RORC: variants seen among roughly 807,000 people sequenced by gnomAD.
The protein encoded by RORC is RAR related orphan receptor C.
In RORC, 13 loss-of-function variants were observed where a neutral mutation model predicts 64.5. The observed-to-expected ratio is 0.20, with a 90% CI of 0.13 to 0.32. The LOEUF (loss-of-function observed/expected upper bound fraction) is 0.32. RORC is among the 10% of genes least tolerant of loss of function. The pLI, the probability that RORC is intolerant of heterozygous loss-of-function variation, is 1.00. For synonymous variants in RORC, 277 were observed against 259.3 expected, an observed-to-expected ratio of 1.07 and a Z score of -0.65; for missense variants, 468 against 669.5, an observed-to-expected ratio of 0.70 and a Z score of 3.32.
At chr1:151,811,490 C>A in intron 9 of RORC, 56 bp from the exon 10 acceptor site, 1 of 1,092,970 alleles carries the variant, frequency 9.1e-7, no homozygotes, top group Non-Finnish European at 1.4e-6. Context: ...ACATTAACTC[C>A]CAACAAAAGG....
intron 1 of RORC, among the ~76,000 whole-genome samples, chr1:151,831,486 C>T (rs552824687): frequency 8.3e-4 from 127 of 152,300 alleles, no homozygotes; most frequent in African/African-American, 2.9e-3. Context: ...TCTTCCTTCT[C>T]CCGCTTCTCC....
intron 6 of RORC, chr1:151,814,248 G>C (rs1558164979): frequency 3.9e-6 from 1 of 257,000 alleles, no homozygotes; most frequent in Non-Finnish European, 7.5e-6. Flanking sequence ...TTTAACAAAT[G>C]GTAATCAGGG....
chr1:151,821,878 G>A (rs1450141934), intron 2 of RORC, among the ~76,000 whole-genome samples: 4 of 152,062 alleles, frequency 2.6e-5, no homozygotes, highest in Non-Finnish European at 4.4e-5. Flanking sequence ...GATCCCAAGA[G>A]ATATTATTCC....
chr1:151,822,112 C>T (rs1284020858), intron 2 of RORC, among the ~76,000 whole-genome samples: 1 of 152,058 alleles, frequency 6.6e-6, no homozygotes, highest in East Asian at 1.9e-4. Context: ...CTTTCCTTAG[C>T]TTGAGCTCCT....
chr1:151,827,012 G>A (rs1420212807), intron 2 of RORC, among the ~76,000 whole-genome samples: 3 of 152,208 alleles, frequency 2.0e-5, no homozygotes, highest in African/African-American at 7.2e-5. Context: ...CAGCTACTCA[G>A]GGGGCTGAGG....
chr1:151,826,063 T>C (rs1322988770), intron 2 of RORC: 1 of 1,552,942 alleles, frequency 6.4e-7, no homozygotes, highest in African/African-American at 1.4e-5. Context: ...CCTGAAGCTC[T>C]GCACCTAGCT....
chr1:151,809,372 C>T (rs991560178), intron 10 of RORC, among the ~76,000 whole-genome samples: 19 of 151,990 alleles, frequency 1.3e-4, no homozygotes, highest in Admixed American at 3.9e-4. Flanking sequence ...CCAGCCTGGG[C>T]GACAGAGCAA....
chr1:151,810,188 T>A (rs1365356938), intron 10 of RORC, among the ~76,000 whole-genome samples: 1 of 152,162 alleles, frequency 6.6e-6, no homozygotes, highest in Non-Finnish European at 1.5e-5. Flanking sequence ...ACTCATCTCA[T>A]CCATTTTTTT....
At chr1:151,831,593 C>T in intron 1 of RORC, 132 bp downstream of exon 1, 1 of 1,573,372 alleles carries the variant, frequency 6.4e-7, no homozygotes, top group Non-Finnish European at 8.6e-7. Flanking sequence ...CCCTGCCAAC[C>T]CAGGGCTTTC....
chr1:151,816,763 A>G lies in RORC; in HGVS notation c.199T>C (p.Cys67Arg). 6.3e-7 allele frequency: 1 copy of G among 1,583,658 alleles called. No individual in the cohort carries two copies. The highest frequency in any genetic ancestry group is 8.6e-7 in the Non-Finnish European group (1 of 1,162,408). ...ATGGGGCAGTTCTGCTGACGGGTGC[A>G]GGAGTAGGCCGCGTTACAGCGCTGG... ...RSQRCNAAYS[C>R]TRQQNCPIDR... Residue 67 changes from cysteine to arginine, a missense_variant, in exon 4 of 11, where the codon TGC (cysteine) becomes CGC (arginine). By Grantham distance (180) the Cys-to-Arg change is radical (BLOSUM62 -3). Transcript: ENST00000318247.
At chr1:151,814,497 C>T (rs1446577047) in intron 6 of RORC, 77 bp downstream of exon 6, 15 of 1,493,804 alleles carry the variant, frequency 1.0e-5, no homozygotes, top group Middle Eastern at 1.8e-4. Flanking sequence ...AGGACCCAGT[C>T]GTGCGCAGGT....
intron 2 of RORC, among the ~76,000 whole-genome samples, chr1:151,825,290 A>G (rs1313138719): frequency 6.6e-6 from 1 of 151,992 alleles, no homozygotes; most frequent in East Asian, 1.9e-4. Context: ...ACACGCACAC[A>G]CACACATGCA....
At chr1:151,831,117 C>A (rs1202037044) in intron 1 of RORC, 17 of 1,285,830 alleles carry the variant, frequency 1.3e-5, no homozygotes, top group Non-Finnish European at 1.6e-5. Flanking sequence ...GCTGATGGCC[C>A]AGTGCCCCAC....
intron 4 of RORC, among the ~76,000 whole-genome samples, chr1:151,816,247 C>T (rs1179363431): frequency 6.6e-6 from 1 of 152,210 alleles, no homozygotes; most frequent in Non-Finnish European, 1.5e-5. Context: ...AATTCTGTTT[C>T]CATTCCTGGC....
intron 2 of RORC, among the ~76,000 whole-genome samples, chr1:151,826,635 T>C (rs1652207141): frequency 6.6e-6 from 1 of 152,156 alleles, no homozygotes; most frequent in Non-Finnish European, 1.5e-5. Context: ...GCAGTAATAA[T>C]CACCAGGCAA....
At chr1:151,813,641 C>T (rs1002283404) in intron 6 of RORC, 21 bp from the exon 7 acceptor site, 3 of 1,613,320 alleles carry the variant, frequency 1.9e-6, no homozygotes, top group African/African-American at 1.3e-5. Flanking sequence ...GGAGGAGGGT[C>T]CCGCTGTAGC....
intron 1 of RORC, 106 bp from the exon 2 acceptor site, chr1:151,829,564 CCTGGCGTCTGAAGGGCAGG>C: frequency 1.8e-6 from 2 of 1,119,866 alleles, no homozygotes; most frequent in South Asian, 4.2e-5. Context: ...TCCCTCAGAG[CCTGGCGTCTGAAGGGCAGG>C]CAGGCCACCC....
chr1:151,816,895 T>G (rs1651775353), intron 3 of RORC, 90 bp from the exon 4 acceptor site: 12 of 1,343,116 alleles, frequency 8.9e-6, no homozygotes, highest in Non-Finnish European at 1.2e-5. Context: ...TCTGGCAGCT[T>G]TTCTACATCC....
chr1:151,819,875 C>T (rs1464338387), intron 2 of RORC, among the ~76,000 whole-genome samples: 1 of 152,158 alleles, frequency 6.6e-6, no homozygotes, highest in South Asian at 2.1e-4. Context: ...TCAGCCCATC[C>T]TCCATCCTCC....
Sources: gnomAD v4.1 joint callset for allele counts (sites outside exome capture counted in the v4.1 genomes callset) on GRCh38, gnomAD v4.1.1 for gene constraint, MANE v1.5 for transcripts, NCBI Gene and HGNC (gene_info 2026-07-23, HGNC 2026-07-21) for gene names.